VWA1: variants seen among roughly 807,000 people sequenced by gnomAD.
VWA1 encodes von Willebrand factor A domain containing 1.
A neutral mutation model predicts 14.9 loss-of-function variants in VWA1; 12 were observed. That is an observed-to-expected ratio of 0.80 (90% confidence interval 0.52 to 1.30). The LOEUF is 1.30. VWA1 is among the 50% of genes most tolerant of loss of function. VWA1 has a pLI of 0.00. For synonymous variants in VWA1, 368 were observed against 310.7 expected, an observed-to-expected ratio of 1.18 and a Z score of -1.94; for missense variants, 800 against 649.1, an observed-to-expected ratio of 1.23 and a Z score of -2.53.
rs1479457553 is a variant in VWA1 at position 1,439,126 on chromosome 1, G to A, written c.677G>A (p.Ser226Asn). Residue 226 changes from serine (S) to asparagine (N), a missense_variant, in exon 3 of 3, where the codon AGC (serine) becomes AAC (asparagine). Physicochemically the swap from Ser to Asn is conservative, Grantham distance 46. Coordinates refer to ENST00000476993, the MANE Select transcript of VWA1 (RefSeq NM_022834.5). ...CTCCATGCCACGGAGATCACGTCCA[G>A]CGGCTTCCGCCTGGCCTGGCCACCC... Reference protein sequence around the residue: ...QQLHATEITSSGFRLAWPPLL... With the variant: ...QQLHATEITSNGFRLAWPPLL... The A allele has an allele frequency of 1.2e-6, 2 of 1,600,758 alleles. No individual in the cohort carries two copies. Among genetic ancestry groups the A allele is most frequent in the Non-Finnish European group, 1.7e-6 (2 of 1,179,408 alleles).
chr1:1,436,955 C>T lies in VWA1; in HGVS notation c.102C>T (p.Asp34=). Reference sequence around the variant, plus strand: ...CACCAGCATCAGCCCCCCGAGGGGACCTGATGTTCCTGCTGGACAGCTCAG... The same window carrying T: ...CACCAGCATCAGCCCCCCGAGGGGATCTGATGTTCCTGCTGGACAGCTCAG... ...RGPPASAPRG[D]LMFLLDSSAS... is the part of the protein sequence containing the mutation. Residue 34 remains aspartate (D), a synonymous_variant, in exon 2 of 3, where the codon GAC becomes GAT. Coordinates refer to ENST00000476993, the MANE Select transcript of VWA1 (RefSeq NM_022834.5). 6.2e-7 allele frequency: 1 copy of T among 1,611,080 alleles called. No individual in the cohort carries two copies. Among genetic ancestry groups the T allele is most frequent in the Non-Finnish European group, 8.5e-7 (1 of 1,178,858 alleles).
rs781724133 is a variant in VWA1, at chr1:1,439,286, CG to C, written c.838del (p.Asp280ThrfsTer4). On this transcript the variant is annotated frameshift_variant, in exon 3 of 3. Coordinates refer to ENST00000476993, the MANE Select transcript of VWA1 (RefSeq NM_022834.5). LOFTEE classifies it low-confidence loss of function (END_TRUNC). ...WAGLDPDTDY[D>X]VALVPESNVR... Reference sequence around the variant, plus strand: ...CCGGCCTCGACCCGGACACGGACTACGACGTGGCGCTAGTGCCTGAGTCCAA... The same window carrying C: ...CCGGCCTCGACCCGGACACGGACTACACGTGGCGCTAGTGCCTGAGTCCAA... The C allele has an allele frequency of 4.4e-6, 7 of 1,601,722 alleles. No homozygotes were observed. The highest frequency in any genetic ancestry group is 1.7e-5 in the Admixed American group (1 of 59,118).
intron 2 of VWA1, among the ~76,000 whole-genome samples, 189 bp from the exon 3 acceptor site, chr1:1,438,892 C>T (rs142611683): frequency 0.019 from 2,879 of 152,288 alleles, 91 homozygotes; most frequent in African/African-American, 0.066. Flanking sequence ...CTCCGTCCTC[C>T]CCCAGCCAAG....
intron 1 of VWA1, 40 bp from the exon 2 acceptor site, chr1:1,436,887 G>A: frequency 6.5e-7 from 1 of 1,527,870 alleles, no homozygotes; most frequent in Non-Finnish European, 8.8e-7. Context: ...GCTGTCTGGG[G>A]GGCCCACACC....
chr1:1,439,021 G>T (rs181087562), intron 2 of VWA1, 60 bp from the exon 3 acceptor site: 2 of 1,533,826 alleles, frequency 1.3e-6, no homozygotes, highest in Admixed American at 3.8e-5. Flanking sequence ...AGCCAGGGCC[G>T]CCCTCCAGCA....
At chr1:1,438,798 C>A (rs1471619321) in intron 2 of VWA1, among the ~76,000 whole-genome samples, 1 of 152,210 alleles carries the variant, frequency 6.6e-6, no homozygotes, top group African/African-American at 2.4e-5. Flanking sequence ...GATCTGGCCA[C>A]TGCACCTCTC....
In VWA1 at chr1:1,439,287, G is replaced by A; in HGVS notation, c.838G>A (p.Asp280Asn). The change falls in exon 3 of 3, where the codon GAC becomes AAC. Residue 280 changes from aspartate (D) to asparagine (N), a missense_variant. Asp to Asn is a conservative substitution (Grantham distance 23). Transcript: ENST00000476993. Reference protein sequence around the residue: ...WAGLDPDTDYDVALVPESNVR... With the variant: ...WAGLDPDTDYNVALVPESNVR... ...CGGCCTCGACCCGGACACGGACTAC[G>A]ACGTGGCGCTAGTGCCTGAGTCCAA... 4 of 1,601,962 alleles carry A rather than the reference G, an allele frequency of 2.5e-6. No individual in the cohort carries two copies. The highest frequency in any genetic ancestry group is 3.4e-6 in the Non-Finnish European group (4 of 1,177,186).
intron 2 of VWA1, among the ~76,000 whole-genome samples, chr1:1,438,366 G>A (rs549849813): frequency 3.9e-5 from 6 of 152,300 alleles, no homozygotes; most frequent in African/African-American, 7.2e-5. Flanking sequence ...CTGCAGTGCC[G>A]AGGGGCCAGG....
Position 1,435,721 on chromosome 1 carries a change from G to T in VWA1, c.-28G>T, listed in dbSNP as rs1188069227. On this transcript the variant is annotated 5_prime_UTR_variant, in exon 1 of 3. Transcript: ENST00000476993. The stretch of plus-strand genomic sequence containing the variant: ...GAGCGAGCGAGCGAGCGAGCGAGTT[G>T]CCGAGCGCGCCCCGTCCCTCGCGCG... The T allele has an allele frequency of 8.4e-7, 1 of 1,193,270 alleles. No homozygotes were observed. The highest frequency in any genetic ancestry group is 2.3e-5 in the South Asian group (1 of 44,152). 73.9% of individuals were successfully genotyped at this position (1,193,270 alleles called of 1,614,324 possible).
In VWA1 at chr1:1,439,600, GC is replaced by G. The variant is rs1259196884; in HGVS notation, c.1153del (p.Arg385AlafsTer17). The G allele has an allele frequency of 7.7e-7, 1 of 1,302,410 alleles. No homozygotes were observed. The highest frequency in any genetic ancestry group is 4.1e-5 in the East Asian group (1 of 24,688). 80.7% of individuals were successfully genotyped at this position (1,302,410 alleles called of 1,614,324 possible). A position where few individuals can be genotyped will look rare whatever the true frequency, so the allele number is the denominator to read the frequency against. ...GCGCAGCGGGTGGAGGTGCCCGCGG[GC>G]CGCAACTGCACCACGCTGCAGGGCC... ...GEAQRVEVPA[G>X]RNCTTLQGLA... On this transcript the variant is annotated frameshift_variant, in exon 3 of 3. Coordinates refer to ENST00000476993, the MANE Select transcript of VWA1 (RefSeq NM_022834.5). LOFTEE classifies it low-confidence loss of function (END_TRUNC).
At chr1:1,436,212 A>G (rs1274608521) in intron 1 of VWA1, among the ~76,000 whole-genome samples, 2 of 152,200 alleles carry the variant, frequency 1.3e-5, no homozygotes, top group African/African-American at 4.8e-5. Flanking sequence ...GGCCGGGACT[A>G]GAATTGAGGC....
At chr1:1,438,748 G>A (rs1037988374) in intron 2 of VWA1, among the ~76,000 whole-genome samples, 5 of 152,298 alleles carry the variant, frequency 3.3e-5, no homozygotes, top group Admixed American at 2.0e-4. Context: ...AGGCACCACC[G>A]TGGACTCTGC....
Position 1,437,189 on chromosome 1 carries a change from C to T in VWA1, c.336C>T (p.His112=), listed in dbSNP as rs150371002. Residue 112 remains histidine, a synonymous_variant, in exon 2 of 3, where the codon CAC becomes CAT. Coordinates refer to ENST00000476993, the MANE Select transcript of VWA1 (RefSeq NM_022834.5). ...RASAQRMGDT[H]TGLALVYAKE... is the part of the protein sequence containing the mutation. Reference sequence around the variant, plus strand: ...CTGCCCAGCGCATGGGTGACACCCACACTGGCCTGGCGCTGGTCTATGCCA... The same window carrying T: ...CTGCCCAGCGCATGGGTGACACCCATACTGGCCTGGCGCTGGTCTATGCCA... The T allele has an allele frequency of 1.0e-4, 165 of 1,611,666 alleles. No homozygotes were observed. Among genetic ancestry groups the T allele is most frequent in the Non-Finnish European group, 1.3e-4 (159 of 1,179,566 alleles).
chr1:1,436,280 C>T (rs1638538718), intron 1 of VWA1, among the ~76,000 whole-genome samples: 2 of 152,218 alleles, frequency 1.3e-5, no homozygotes, highest in South Asian at 2.1e-4. Context: ...GCCTCCACCC[C>T]GGAGGTGCCC....
chr1:1,439,072 C>A lies in VWA1; in HGVS notation c.632-9C>A. 6.3e-7 allele frequency: 1 copy of A among 1,596,380 alleles called. No homozygotes were observed. Among genetic ancestry groups the A allele is most frequent in the Non-Finnish European group, 8.5e-7 (1 of 1,178,700 alleles). ...ACCGCTGTTCCCTGACCCCCTGCAC[C>A]ACCCACAGACGCGATGCGGCCGCAG... On this transcript the variant is annotated splice_polypyrimidine_tract_variant and intron_variant, in intron 2 of 2. Coordinates refer to ENST00000476993, the MANE Select transcript of VWA1 (RefSeq NM_022834.5).
chr1:1,439,952 C>G lies in VWA1; in HGVS notation c.*165C>G. ...TCTCCCTGCGGCCGCAGGGCTTCCCCGCCTGGCGCCTGCCCTCCAGGGCTG... is the reference window on the plus strand; with the variant it reads ...TCTCCCTGCGGCCGCAGGGCTTCCCGGCCTGGCGCCTGCCCTCCAGGGCTG... On this transcript the variant is annotated 3_prime_UTR_variant, in exon 3 of 3. Transcript: ENST00000476993. 3.6e-6 allele frequency: 3 copies of G among 829,806 alleles called. No individual in the cohort carries two copies. The highest frequency in any genetic ancestry group is 4.4e-6 in the Non-Finnish European group (3 of 676,294). The allele number at this position is 829,806 out of a possible 1,614,324, so 51.4% of individuals were successfully genotyped here.
Position 1,437,379 on chromosome 1 carries a change from C to T in VWA1, c.526C>T (p.Leu176=). 1 of 1,612,848 alleles carries T rather than the reference C, an allele frequency of 6.2e-7. No homozygotes were observed. The highest frequency in any genetic ancestry group is 1.1e-5 in the South Asian group (1 of 91,084). ...TGTCAGCACCGGCCGAGGCAACTTC[C>T]TGGAGCTGTCAGCCGCTGCCTCAGC... ...FIVSTGRGNF[L]ELSAAASAPA... The change falls in exon 2 of 3, where the codon CTG becomes TTG. Residue 176 remains leucine, a synonymous_variant. Coordinates refer to ENST00000476993, the MANE Select transcript of VWA1 (RefSeq NM_022834.5).
In VWA1 at chr1:1,437,103, AC is replaced by A. The variant is rs767263669; in HGVS notation, c.252del (p.Glu85SerfsTer58). 5.6e-6 allele frequency: 9 copies of A among 1,605,536 alleles called. No individual in the cohort carries two copies. The highest frequency in any genetic ancestry group is 6.0e-6 in the Non-Finnish European group (7 of 1,174,900). ...GGTGCACGTGGGCAGTCGGCCATAC[AC>A]CGAGTTCCCCTTCGGCCAGCACAGC... is the stretch of plus-strand genomic sequence containing the variant. ...SLVHVGSRPY[T>X]EFPFGQHSSG... On this transcript the variant is annotated frameshift_variant, in exon 2 of 3. Transcript: ENST00000476993. LOFTEE classifies it high-confidence loss of function.
intron 2 of VWA1, among the ~76,000 whole-genome samples, chr1:1,438,546 G>C (rs552129942): frequency 6.6e-6 from 1 of 152,270 alleles, no homozygotes; most frequent in African/African-American, 2.4e-5. Flanking sequence ...TGTGGGGCTT[G>C]GTGTCACAGG....
Sources: allele counts gnomAD v4.1 joint callset (sites outside exome capture counted in the v4.1 genomes callset), GRCh38; gene constraint gnomAD v4.1.1; transcripts MANE v1.5; gene names NCBI Gene and HGNC (gene_info 2026-07-23, HGNC 2026-07-21).